HS3ST2: variants seen among roughly 807,000 people sequenced by gnomAD.
The protein encoded by HS3ST2 is heparan sulfate-glucosamine 3-sulfotransferase 2.
In HS3ST2, 17 loss-of-function variants were observed where a neutral mutation model predicts 26.3. That is an observed-to-expected ratio of 0.65 (90% CI 0.44 to 0.97). HS3ST2 has a LOEUF of 0.97. HS3ST2 is among the 50% of genes least tolerant of loss of function. The pLI is 0.00. For synonymous variants in HS3ST2, 237 were observed against 219.2 expected (o/e 1.08, Z -0.72); for missense variants, 402 against 501.2 (o/e 0.80, Z 1.89).
intron 1 of HS3ST2, among the ~76,000 whole-genome samples, chr16:22,888,997 A>G (rs1902099267): frequency 2.0e-5 from 3 of 152,252 alleles, no homozygotes; most frequent in Non-Finnish European, 4.4e-5. Flanking sequence ...CACCAGGGAC[A>G]GTGCATAGAA....
rs147803330 is a variant in HS3ST2 at position 22,907,531 on chromosome 16, G to GT, written c.486-7411dup. Among the ~76,000 whole-genome samples, 1,178 of 152,312 alleles carry GT rather than the reference G, an allele frequency of 7.7e-3. 19 individuals are homozygous for GT. Among genetic ancestry groups the GT allele is most frequent in the African/African-American group, 0.027 (1,133 of 41,552 alleles). ...GGGAGGAGGCTGGAGACTTCAGAAG[G>GT]TTGGGGAGGTAAAACTTACAAGAAC... On this transcript the variant is annotated intron_variant, in intron 1 of 1. Coordinates refer to ENST00000261374, the MANE Select transcript of HS3ST2 (RefSeq NM_006043.2).
chr16:22,817,752 G>T (rs1352405823), intron 1 of HS3ST2, among the ~76,000 whole-genome samples: 15 of 152,170 alleles, frequency 9.9e-5, no homozygotes, highest in Admixed American at 8.5e-4. Context: ...CTTTCCAAAG[G>T]GGGAGGTGCA....
chr16:22,826,792 A>C (rs1901093010), intron 1 of HS3ST2, among the ~76,000 whole-genome samples: 1 of 152,154 alleles, frequency 6.6e-6, no homozygotes, highest in African/African-American at 2.4e-5. Context: ...GATGCAGGTG[A>C]CTCAGTCATC....
At chr16:22,850,728 A>C (rs1901506989) in intron 1 of HS3ST2, among the ~76,000 whole-genome samples, 2 of 152,220 alleles carry the variant, frequency 1.3e-5, no homozygotes, top group African/African-American at 2.4e-5. Context: ...CGGAGGTTGC[A>C]GTGAGCTGAG....
At chr16:22,824,652 A>G (rs962435358) in intron 1 of HS3ST2, among the ~76,000 whole-genome samples, 2 of 152,214 alleles carry the variant, frequency 1.3e-5, no homozygotes, top group Non-Finnish European at 2.9e-5. Flanking sequence ...ATTTCACTGG[A>G]TCAAGAGCGG....
chr16:22,830,634 G>C (rs1413550705), intron 1 of HS3ST2, among the ~76,000 whole-genome samples: 1 of 152,154 alleles, frequency 6.6e-6, no homozygotes, highest in Non-Finnish European at 1.5e-5. Flanking sequence ...AATATTGAGA[G>C]CCTGGATGCA....
chr16:22,890,494 T>C (rs1341864588), intron 1 of HS3ST2, among the ~76,000 whole-genome samples: 1 of 152,246 alleles, frequency 6.6e-6, no homozygotes, highest in African/African-American at 2.4e-5. Flanking sequence ...CCCAGTTATA[T>C]ACATTTTTGT....
intron 1 of HS3ST2, among the ~76,000 whole-genome samples, chr16:22,879,923 G>A (rs1360279558): frequency 6.6e-6 from 1 of 152,190 alleles, no homozygotes; most frequent in African/African-American, 2.4e-5. Flanking sequence ...GAGGGAAACT[G>A]TGATTTCCAA....
intron 1 of HS3ST2, among the ~76,000 whole-genome samples, chr16:22,884,998 G>A (rs1902041582): frequency 1.3e-5 from 2 of 151,552 alleles, no homozygotes; most frequent in South Asian, 2.1e-4. Flanking sequence ...GTGCCACCAC[G>A]CCCAGCTAAT....
chr16:22,841,543 A>T (rs1901356663), intron 1 of HS3ST2, among the ~76,000 whole-genome samples: 1 of 152,166 alleles, frequency 6.6e-6, no homozygotes, highest in African/African-American at 2.4e-5. Context: ...ATTCATCAAT[A>T]TTTTACCTTC....
chr16:22,903,629 T>A (rs1479528375), intron 1 of HS3ST2, among the ~76,000 whole-genome samples: 1 of 152,224 alleles, frequency 6.6e-6, no homozygotes, highest in Non-Finnish European at 1.5e-5. Context: ...AAGTGTTTAC[T>A]GGGCACCTAC....
At chr16:22,846,275 T>TA (rs35955821) in intron 1 of HS3ST2, among the ~76,000 whole-genome samples, 42,139 of 145,838 alleles carry the variant, frequency 0.29, 6,041 homozygotes, top group East Asian at 0.37. Flanking sequence ...AGACTCGATT[T>TA]AAAAAAAAAA....
chr16:22,817,455 T>C (rs2141172414), intron 1 of HS3ST2, among the ~76,000 whole-genome samples: 1 of 152,322 alleles, frequency 6.6e-6, no homozygotes, highest in East Asian at 1.9e-4. Flanking sequence ...AGATGCTGTT[T>C]CCATAACCTC....
intron 1 of HS3ST2, among the ~76,000 whole-genome samples, chr16:22,887,072 G>A (rs1902070831): frequency 6.6e-6 from 1 of 152,078 alleles, no homozygotes; most frequent in African/African-American, 2.4e-5. Flanking sequence ...TTTAAATTAT[G>A]AGTCACAATT....
At chr16:22,864,062 G>A (rs144724329) in intron 1 of HS3ST2, among the ~76,000 whole-genome samples, 273 of 152,310 alleles carry the variant, frequency 1.8e-3, no homozygotes, top group African/African-American at 6.3e-3. Flanking sequence ...GGCTCCTGCA[G>A]CATGTAAACT....
At chr16:22,832,845 C>T (rs1351505586) in intron 1 of HS3ST2, among the ~76,000 whole-genome samples, 2 of 151,786 alleles carry the variant, frequency 1.3e-5, no homozygotes, top group Non-Finnish European at 2.9e-5. Context: ...GACCTCCTGC[C>T]CACCAGACAG....
chr16:22,847,941 AGGAG>A (rs377092837), intron 1 of HS3ST2, among the ~76,000 whole-genome samples: 3 of 151,156 alleles, frequency 2.0e-5, no homozygotes, highest in African/African-American at 4.8e-5. Flanking sequence ...GAAGGAAGGA[AGGAG>A]GGAGGGAAGA....
At chr16:22,815,550 A>C (rs1445156268) in intron 1 of HS3ST2, among the ~76,000 whole-genome samples, 1 of 152,154 alleles carries the variant, frequency 6.6e-6, no homozygotes, top group Non-Finnish European at 1.5e-5. Context: ...TGTTTGGGAA[A>C]GGTCCCCAGA....
rs114332162 is a variant in HS3ST2 at position 22,819,914 on chromosome 16, G to A, written c.485+4819G>A. 2.9e-3 allele frequency among the ~76,000 whole-genome samples: 448 copies of A among 152,336 alleles called. 4 individuals are homozygous for A. Among genetic ancestry groups the A allele is most frequent in the African/African-American group, 9.9e-3 (411 of 41,578 alleles). On this transcript the variant is annotated intron_variant, in intron 1 of 1. Coordinates refer to ENST00000261374, the MANE Select transcript of HS3ST2 (RefSeq NM_006043.2). ...AAAAAAATAAAATCAAAGGCAGAAGGTAAGGGGCCTCCTGCCATGACGTAG... is the reference window on the plus strand; with the variant it reads ...AAAAAAATAAAATCAAAGGCAGAAGATAAGGGGCCTCCTGCCATGACGTAG...
Sources: allele counts gnomAD v4.1 joint callset (sites outside exome capture counted in the v4.1 genomes callset), GRCh38; gene constraint gnomAD v4.1.1; transcripts MANE v1.5; gene names NCBI Gene and HGNC (gene_info 2026-07-23, HGNC 2026-07-21).